EXT2: variants seen among roughly 807,000 people sequenced by gnomAD.
EXT2 encodes exostosin-2.
A neutral mutation model predicts 81.6 loss-of-function variants in EXT2; 53 were observed. The ratio of observed to expected loss-of-function variants is 0.65; its 90% CI spans 0.52 to 0.82. The LOEUF is 0.82. Ranked by LOEUF, EXT2 falls within the 40% of genes least tolerant of loss-of-function variation. The pLI is 0.00. For synonymous variants in EXT2, 320 were observed against 340.0 expected (o/e 0.94, Z 0.65); for missense variants, 774 against 910.2 (o/e 0.85, Z 1.93).
At chr11:44,115,185 C>T (rs75109373) in intron 4 of EXT2, among the ~76,000 whole-genome samples, 15,302 of 152,162 alleles carry the variant, frequency 0.1, 763 homozygotes, top group Middle Eastern at 0.16. Flanking sequence ...GGATTTTGTA[C>T]GTGCAGTGAA....
chr11:44,191,707 T>G (rs1386383460), intron 8 of EXT2, among the ~76,000 whole-genome samples: 1 of 152,156 alleles, frequency 6.6e-6, no homozygotes, highest in Non-Finnish European at 1.5e-5. Context: ...TAAATGCTGT[T>G]TTTGAAATGT....
intron 7 of EXT2, among the ~76,000 whole-genome samples, chr11:44,154,838 TAGG>T (rs1684782331): frequency 6.6e-6 from 1 of 152,200 alleles, no homozygotes; most frequent in Admixed American, 6.5e-5. Flanking sequence ...CCATTTTAAC[TAGG>T]AGGAGATGAT....
At position 44,107,885 on chromosome 11, in the gene EXT2, T is replaced by A; in HGVS notation, c.173T>A (p.Val58Glu). 1.2e-6 allele frequency: 2 copies of A among 1,614,158 alleles called. No individual in the cohort carries two copies. Among genetic ancestry groups the A allele is most frequent in the Non-Finnish European group, 1.7e-6 (2 of 1,180,034 alleles). ...HSIESSNDWN[V>E]EKRSIRDVPV... Reference sequence around the variant, plus strand: ...ATCGAGTCCTCAAATGACTGGAATGTAGAGAAGCGCAGCATCCGTGATGTG... The same window carrying A: ...ATCGAGTCCTCAAATGACTGGAATGAAGAGAAGCGCAGCATCCGTGATGTG... Residue 58 changes from valine to glutamate, a missense_variant, in exon 2 of 14, where the codon GTA becomes GAA. By Grantham distance (121) the Val-to-Glu change is moderately radical. Transcript: ENST00000533608.
chr11:44,116,810 T>C (rs983345527), intron 4 of EXT2: 2 of 152,218 alleles, frequency 1.3e-5, no homozygotes, highest in Admixed American at 6.5e-5. Flanking sequence ...TATAACTTCT[T>C]TGGAGAAATG....
At chr11:44,201,536 C>G (rs1955522164) in intron 9 of EXT2, among the ~76,000 whole-genome samples, 1 of 152,210 alleles carries the variant, frequency 6.6e-6, no homozygotes, top group Non-Finnish European at 1.5e-5. Flanking sequence ...ACAGATCTTT[C>G]TAGATCCAAA....
intron 7 of EXT2, among the ~76,000 whole-genome samples, chr11:44,135,937 T>C (rs1365658439): frequency 6.6e-6 from 1 of 152,218 alleles, no homozygotes; most frequent in Non-Finnish European, 1.5e-5. Context: ...CATCTTAAAA[T>C]TGAGGAAATA....
intron 3 of EXT2, among the ~76,000 whole-genome samples, chr11:44,112,837 A>G (rs962527359): frequency 1.3e-5 from 2 of 152,184 alleles, no homozygotes; most frequent in Non-Finnish European, 2.9e-5. Context: ...TTCTCTGCAC[A>G]TACACACCCA....
intron 7 of EXT2, among the ~76,000 whole-genome samples, chr11:44,134,345 G>C (rs1316759557): frequency 6.6e-6 from 1 of 152,204 alleles, no homozygotes; most frequent in Non-Finnish European, 1.5e-5. Context: ...CAAAGGGCTT[G>C]TGTTGGGGAT....
chr11:44,218,793 CT>C (rs11368525), intron 10 of EXT2, among the ~76,000 whole-genome samples: 53 of 92,292 alleles, frequency 5.7e-4, no homozygotes, highest in Non-Finnish European at 6.9e-4. Flanking sequence ...ATCTGCAATT[CT>C]TTTTTTTTTT....
At position 44,251,077 on chromosome 11, in the gene EXT2, T is replaced by C. The variant is rs1482950457; in HGVS notation, c.*6790T>C. Among the ~76,000 whole-genome samples, 3 of 152,186 alleles carry C rather than the reference T, an allele frequency of 2.0e-5. No homozygotes were observed. Among genetic ancestry groups the C allele is most frequent in the Non-Finnish European group, 2.9e-5 (2 of 68,024 alleles). On this transcript the variant is annotated 3_prime_UTR_variant, in exon 14 of 14. Transcript: ENST00000533608. ...TGTTTTCTGGATATAGTTCCAATAA[T>C]TTTTTTCCTAACAGCCTTTTTGTCA...
chr11:44,209,344 C>T (rs573497103), intron 10 of EXT2, among the ~76,000 whole-genome samples: 1 of 152,266 alleles, frequency 6.6e-6, no homozygotes, highest in South Asian at 2.1e-4. Context: ...TTACACTTTA[C>T]AGATGCCATG....
intron 10 of EXT2, among the ~76,000 whole-genome samples, chr11:44,227,977 C>A (rs957030360): frequency 2.0e-5 from 3 of 152,150 alleles, no homozygotes; most frequent in African/African-American, 7.2e-5. Flanking sequence ...TACAACAGCC[C>A]TATGATGTAA....
chr11:44,121,148 G>A (rs1286675594), intron 4 of EXT2, among the ~76,000 whole-genome samples: 1 of 152,186 alleles, frequency 6.6e-6, no homozygotes. Context: ...TAGTGGGGTG[G>A]GAGCTTCTGC....
chr11:44,220,863 T>C lies in EXT2; in HGVS notation c.1663-11490T>C, dbSNP rs752989383. 2.6e-5 allele frequency among the ~76,000 whole-genome samples: 4 copies of C among 152,194 alleles called. No individual in the cohort carries two copies. The highest frequency in any genetic ancestry group is 1.9e-4 in the East Asian group (1 of 5,192). On this transcript the variant is annotated intron_variant, in intron 10 of 13. Transcript: ENST00000533608. The surrounding 1 kb of genome is among the most constrained non-coding windows in gnomAD (Gnocchi z 4.4). ...GGAAGCCGCAGTAAAGCCTGACCTC[T>C]CAGAGCTTCTCTAAAGCACCCAGTC... is the stretch of plus-strand genomic sequence containing the variant.
chr11:44,234,559 T>C (rs1384150047), intron 12 of EXT2, among the ~76,000 whole-genome samples: 1 of 151,146 alleles, frequency 6.6e-6, no homozygotes, highest in Non-Finnish European at 1.5e-5. Flanking sequence ...CTAGTTCTTT[T>C]AGTTAAAGGA....
intron 1 of EXT2, 52 bp from the exon 2 acceptor site, chr11:44,107,631 C>A: frequency 6.6e-7 from 1 of 1,522,480 alleles, no homozygotes; most frequent in South Asian, 1.2e-5. Context: ...TTTCAAGTGT[C>A]ATTTGCCATC....
In EXT2 at chr11:44,168,675, C is replaced by T. The variant is rs376047439; in HGVS notation, c.1174-2936C>T. The stretch of plus-strand genomic sequence containing the variant: ...AATGAAAAATTGGATGAAGCCAGAA[C>T]ACAGTAGAAGTATATCTTGAATGTT... On this transcript the variant is annotated intron_variant, in intron 7 of 13. Coordinates refer to ENST00000533608, the MANE Select transcript of EXT2 (RefSeq NM_207122.2). Among the ~76,000 whole-genome samples, 7 of 152,212 alleles carry T rather than the reference C, an allele frequency of 4.6e-5. No homozygotes were observed. The East Asian group carries it at 1.2e-3, about 25-fold the overall frequency.
intron 7 of EXT2, among the ~76,000 whole-genome samples, chr11:44,143,275 A>C (rs905899345): frequency 1.3e-5 from 2 of 152,230 alleles, no homozygotes; most frequent in Admixed American, 1.3e-4. Flanking sequence ...CAGATTAGAA[A>C]CTATAGAAGA....
In EXT2 at chr11:44,216,757, T is replaced by A. The variant is rs577448273; in HGVS notation, c.1662+9798T>A. On this transcript the variant is annotated intron_variant, in intron 10 of 13. Transcript: ENST00000533608. ...CAGTGATTAAAGGCCAGTTCACAGA[T>A]TGCACTTCCGAGAGCTATGAGAGAA... 2.0e-5 allele frequency among the ~76,000 whole-genome samples: 3 copies of A among 151,958 alleles called. No individual in the cohort carries two copies. The South Asian group carries it at 6.2e-4, about 32-fold the overall frequency.
Sources: gnomAD v4.1 joint callset for allele counts (sites outside exome capture counted in the v4.1 genomes callset) on GRCh38, gnomAD v4.1.1 for gene constraint, Gnocchi (gnomAD v3.1) non-coding constraint, MANE v1.5 for transcripts, NCBI Gene and HGNC (gene_info 2026-07-23, HGNC 2026-07-21) for gene names.